Variants in KDM3A observed in about 807,000 individuals in gnomAD.
KDM3A encodes lysine-specific demethylase 3A.
A neutral mutation model predicts 158.0 loss-of-function variants in KDM3A; 60 were observed. The ratio of observed to expected loss-of-function variants is 0.38; its 90% CI spans 0.31 to 0.47. KDM3A has a LOEUF of 0.47. KDM3A is among the 20% of genes least tolerant of loss of function. KDM3A has a pLI of 0.99. For synonymous variants in KDM3A, 608 were observed against 549.3 expected, an observed-to-expected ratio of 1.11 and a Z score of -1.49; for missense variants, 1,319 against 1,574.3, an observed-to-expected ratio of 0.84 and a Z score of 2.74.
intron 2 of KDM3A, among the ~76,000 whole-genome samples, chr2:86,444,029 G>GTTCCC (rs1682851894): frequency 6.6e-6 from 1 of 152,158 alleles, no homozygotes; most frequent in African/African-American, 2.4e-5. Flanking sequence ...GAGACTAGGC[G>GTTCCC]TTCCCTTCCC....
intron 17 of KDM3A, 135 bp from the exon 18 acceptor site, chr2:86,482,322 CA>C (rs1412401705): frequency 7.1e-7 from 1 of 1,401,846 alleles, no homozygotes; most frequent in Admixed American, 2.4e-5. Context: ...CAAGTGGGGA[CA>C]GGGGACGTAC....
At chr2:86,454,391 T>C (rs1016469845) in intron 4 of KDM3A, among the ~76,000 whole-genome samples, 5 of 152,094 alleles carry the variant, frequency 3.3e-5, no homozygotes, top group African/African-American at 9.7e-5. Context: ...GGTTTACTAA[T>C]GGGAATATGG....
chr2:86,491,305 T>A (rs1292962347), intron 25 of KDM3A, 30 bp downstream of exon 25: 12 of 1,609,464 alleles, frequency 7.5e-6, no homozygotes, highest in Admixed American at 1.7e-5. Flanking sequence ...CTAGCATTCT[T>A]TGGCTATGGC....
At chr2:86,465,146 T>C (rs1360328559) in intron 9 of KDM3A, among the ~76,000 whole-genome samples, 1 of 152,180 alleles carries the variant, frequency 6.6e-6, no homozygotes, top group Non-Finnish European at 1.5e-5. Context: ...AAAAGGACTT[T>C]GCATTTTTCT....
intron 4 of KDM3A, among the ~76,000 whole-genome samples, chr2:86,452,582 TA>T (rs1672516328): frequency 6.6e-6 from 1 of 152,196 alleles, no homozygotes; most frequent in African/African-American, 2.4e-5. Context: ...ACACACATTA[TA>T]ATAATATTCA....
intron 2 of KDM3A, among the ~76,000 whole-genome samples, chr2:86,449,480 G>C (rs1302415499): frequency 1.3e-5 from 2 of 152,196 alleles, no homozygotes; most frequent in Non-Finnish European, 2.9e-5. Context: ...AATTCCAAAA[G>C]CTCAGATGTC....
In KDM3A at chr2:86,456,565, A is replaced by G; in HGVS notation, c.680A>G (p.Glu227Gly). 2 of 1,603,748 alleles carry G rather than the reference A, an allele frequency of 1.2e-6. No homozygotes were observed. The highest frequency in any genetic ancestry group is 1.7e-6 in the Non-Finnish European group (2 of 1,176,494). ...AAAACTCTTCAAGTCAACTGTGAGG[A>G]GGTAAAGACAACAATAACTCTTTGT... Reference protein sequence around the residue: ...ASKTLQVNCEEIPALKIVDPS... With the variant: ...ASKTLQVNCEGIPALKIVDPS... The change falls in exon 6 of 26, where the codon GAG becomes GGG. Residue 227 changes from glutamate (E) to glycine (G), a missense_variant and splice_region_variant. Physicochemically the swap from Glu to Gly is moderately conservative, Grantham distance 98. Around this residue, in one of 4 missense-constraint regions of KDM3A, gnomAD observed 652 missense variants for 627.2 expected, o/e 1.04. Transcript: ENST00000312912.
At chr2:86,439,360 T>C (rs112020747), upstream of KDM3A, among the ~76,000 whole-genome samples, 8 of 152,196 alleles carry the variant, frequency 5.3e-5, no homozygotes, top group African/African-American at 1.9e-4. Context: ...TTTAATTTGC[T>C]GGTATTTTAT....
chr2:86,492,247 T>C lies in KDM3A; in HGVS notation c.*128T>C, dbSNP rs1314805028. 6 of 666,890 alleles carry C rather than the reference T, an allele frequency of 9.0e-6. No homozygotes were observed. The highest frequency in any genetic ancestry group is 4.8e-5 in the Admixed American group (2 of 41,256). 41.3% of individuals were successfully genotyped at this position (666,890 alleles called of 1,614,324 possible). On this transcript the variant is annotated 3_prime_UTR_variant, in exon 26 of 26. Transcript: ENST00000312912. ...CTGTACCCAACTTGTGAGGGTACTC[T>C]GTCTAATGTATATTTCTAGTGTTTA...
upstream of KDM3A, chr2:86,440,632 A>C (rs1006535695): frequency 4.6e-5 from 7 of 152,232 alleles, no homozygotes; most frequent in African/African-American, 1.7e-4. Flanking sequence ...TTTTGCTCTA[A>C]ATTTAATGAA....
chr2:86,445,692 A>G (rs925312891), intron 2 of KDM3A, among the ~76,000 whole-genome samples: 15 of 152,240 alleles, frequency 9.9e-5, no homozygotes, highest in Non-Finnish European at 1.9e-4. Context: ...ATTTTTGCAC[A>G]CCATTGAAAC....
chr2:86,470,086 G>C (rs1458650881), intron 10 of KDM3A, 118 bp from the exon 11 acceptor site: 2 of 746,636 alleles, frequency 2.7e-6, no homozygotes, highest in Non-Finnish European at 4.5e-6. Flanking sequence ...ATTGAACCAG[G>C]AATTGAGAAG....
chr2:86,491,523 A>C (rs1021740747), intron 25 of KDM3A: 5 of 489,300 alleles, frequency 1.0e-5, no homozygotes, highest in African/African-American at 9.6e-5. Context: ...GAAAGGCCTT[A>C]GTACTGAAAA....
intron 23 of KDM3A, chr2:86,490,413 G>GGT (rs1440315701): frequency 6.5e-6 from 1 of 153,096 alleles, no homozygotes; most frequent in South Asian, 2.0e-4. Flanking sequence ...AAACCGGCTT[G>GGT]GTCACCATAT....
At chr2:86,451,435 T>C (rs114688498) in intron 4 of KDM3A, among the ~76,000 whole-genome samples, 33 of 152,330 alleles carry the variant, frequency 2.2e-4, no homozygotes, top group African/African-American at 7.5e-4. Context: ...ATATATTTTG[T>C]ATATATATTA....
At chr2:86,467,951 A>C (rs1354576735) in intron 10 of KDM3A, among the ~76,000 whole-genome samples, 1 of 152,110 alleles carries the variant, frequency 6.6e-6, no homozygotes, top group African/African-American at 2.4e-5. Flanking sequence ...GCTTGACCCC[A>C]GGAGTTGGAG....
At chr2:86,455,300 T>C in intron 5 of KDM3A, 113 bp downstream of exon 5, 2 of 672,354 alleles carry the variant, frequency 3.0e-6, no homozygotes, top group Non-Finnish European at 2.5e-6. Context: ...TTTTCTTTTT[T>C]TTTTTTTTTG....
At chr2:86,491,370 T>C (rs1158734967) in intron 25 of KDM3A, 95 bp downstream of exon 25, 1 of 1,267,992 alleles carries the variant, frequency 7.9e-7, no homozygotes, top group Non-Finnish European at 1.1e-6. Context: ...AACTTGGCCA[T>C]ATCGTACTTA....
intron 15 of KDM3A, 198 bp downstream of exon 15, chr2:86,478,933 A>G (rs1673794551): frequency 2.0e-6 from 1 of 509,046 alleles, no homozygotes; most frequent in Non-Finnish European, 3.4e-6. Context: ...ACTTTCGTAG[A>G]CTCTACTGTG....
Sources: gnomAD v4.1 joint callset for allele counts (sites outside exome capture counted in the v4.1 genomes callset) on GRCh38, gnomAD v4.1.1 for gene constraint, gnomAD v4.1.1 regional missense constraint, MANE v1.5 for transcripts, NCBI Gene and HGNC (gene_info 2026-07-23, HGNC 2026-07-21) for gene names.